The following WDR38 variants were observed in gnomAD, a reference collection of about 807,000 sequenced individuals.
WDR38 encodes WD repeat-containing protein 38.
WDR38 carries 37 observed loss-of-function variants against 36.6 expected under a neutral mutation model. The observed-to-expected ratio is 1.01, with a 90% CI of 0.78 to 1.33. The LOEUF (loss-of-function observed/expected upper bound fraction) is 1.33, where lower values mean the gene tolerates loss of function less well. Among genes scored for constraint, WDR38 ranks in the 40% most tolerant of loss-of-function variants. WDR38 has a pLI of 0.00. For missense variants in WDR38, 411 were observed against 414.6 expected (o/e 0.99, Z 0.07); for synonymous variants, 164 against 168.1 (o/e 0.98, Z 0.19).
At position 124,854,399 on chromosome 9, in the gene WDR38, C is replaced by T. The variant is rs1179093384; in HGVS notation, c.190+74C>T. The T allele has an allele frequency of 5.0e-6, 8 of 1,595,540 alleles. No individual in the cohort carries two copies. In the Admixed American group the frequency reaches 1.3e-4, roughly 27 times the overall value. On this transcript the variant is annotated intron_variant, in intron 2 of 8. Coordinates refer to ENST00000373574, the MANE Select transcript of WDR38 (RefSeq NM_001045476.3). ...ATGCTGCAGAGCTGACTGCAGTGACCTCCGATGAGCTGGGCACGGGTGCAA... is the reference window on the plus strand; with the variant it reads ...ATGCTGCAGAGCTGACTGCAGTGACTTCCGATGAGCTGGGCACGGGTGCAA...
chr9:124,854,848 G>A (rs1829007154), intron 2 of WDR38, among the ~76,000 whole-genome samples: 1 of 152,200 alleles, frequency 6.6e-6, no homozygotes. Context: ...AAAGGCGTGA[G>A]CCACTGCACC....
Position 124,857,840 on chromosome 9 carries a change from C to A in WDR38, c.*210C>A. 2 of 1,574,546 alleles carry A rather than the reference C, an allele frequency of 1.3e-6. No homozygotes were observed. Among genetic ancestry groups the A allele is most frequent in the Non-Finnish European group, 1.7e-6 (2 of 1,155,994 alleles). On this transcript the variant is annotated 3_prime_UTR_variant, in exon 9 of 9. Transcript: ENST00000373574. The stretch of plus-strand genomic sequence containing the variant: ...CACCTGGTCCCCAAAACCAGACCCA[C>A]CCACCTCCACCCAATCAGTGGAAGT...
chr9:124,857,745 G>A lies in WDR38; in HGVS notation c.*115G>A. On this transcript the variant is annotated 3_prime_UTR_variant, in exon 9 of 9. Transcript: ENST00000373574. ...TGCTGGCATCCAGCAGATCCCCATG[G>A]CCAGGACTCTCCAGGCCCCACCAGA... 2 of 1,541,702 alleles carry A rather than the reference G, an allele frequency of 1.3e-6. No homozygotes were observed. The highest frequency in any genetic ancestry group is 2.4e-5 in the South Asian group (2 of 82,880).
intron 4 of WDR38, 45 bp downstream of exon 4, chr9:124,856,003 G>A (rs1188156452): frequency 2.5e-6 from 4 of 1,610,370 alleles, no homozygotes; most frequent in Non-Finnish European, 3.4e-6. Context: ...TCAAGGACCA[G>A]TTCCAGAGAG....
rs1829081589 is a variant in WDR38 at position 124,856,714 on chromosome 9, G to C, written c.619-18G>C. ...CACAGGCCCCAAACCCTGGGGATCA[G>C]AGCTGTCTGCTGTCCAGGCATCCGG... On this transcript the variant is annotated intron_variant, in intron 6 of 8. Coordinates refer to ENST00000373574, the MANE Select transcript of WDR38 (RefSeq NM_001045476.3). 6.2e-7 allele frequency: 1 copy of C among 1,613,844 alleles called. No homozygotes were observed. Among genetic ancestry groups the C allele is most frequent in the South Asian group, 1.1e-5 (1 of 91,074 alleles).
At chr9:124,857,237 G>C (rs553668753) in intron 7 of WDR38, 127 bp from the exon 8 acceptor site, 499 of 1,273,272 alleles carry the variant, frequency 3.9e-4, no homozygotes, top group South Asian at 1.2e-3. Flanking sequence ...GGAGGTAGGT[G>C]AATCACCTGA....
At chr9:124,855,608 TC>T in intron 2 of WDR38, 25 bp from the exon 3 acceptor site, 1 of 1,598,512 alleles carries the variant, frequency 6.3e-7, no homozygotes, top group African/African-American at 1.3e-5. Flanking sequence ...CAGTGCTCTG[TC>T]CCCTGACTGT....
intron 1 of WDR38, 96 bp from the exon 2 acceptor site, chr9:124,854,109 C>T (rs1828981027): frequency 6.4e-7 from 1 of 1,560,436 alleles, no homozygotes; most frequent in Non-Finnish European, 8.7e-7. Flanking sequence ...AAGTCAAGCT[C>T]CAACCCCAGG....
chr9:124,857,761 C>T lies in WDR38; in HGVS notation c.*131C>T. 1 of 1,513,562 alleles carries T rather than the reference C, an allele frequency of 6.6e-7. No individual in the cohort carries two copies. Among genetic ancestry groups the T allele is most frequent in the Non-Finnish European group, 8.9e-7 (1 of 1,120,956 alleles). The allele number at this position is 1,513,562 out of a possible 1,614,324, so 93.8% of individuals were successfully genotyped here. Reference sequence around the variant, plus strand: ...ATCCCCATGGCCAGGACTCTCCAGGCCCCACCAGAGCAGACAACTGTGGTG... The same window carrying T: ...ATCCCCATGGCCAGGACTCTCCAGGTCCCACCAGAGCAGACAACTGTGGTG... On this transcript the variant is annotated 3_prime_UTR_variant, in exon 9 of 9. Transcript: ENST00000373574.
rs766705959 is a variant in WDR38 at position 124,856,846 on chromosome 9, G to A, written c.733G>A (p.Glu245Lys). The change falls in exon 7 of 9, where the codon GAG (glutamate) becomes AAG (lysine). Residue 245 changes from glutamate (E) to lysine (K), a missense_variant. Transcript: ENST00000373574. ...GAAGAGCATAGCCTTCTCTCCCGACGAGCTGTGGCTGGCCAGCGCCGGCTA... is the reference window on the plus strand; with the variant it reads ...GAAGAGCATAGCCTTCTCTCCCGACAAGCTGTGGCTGGCCAGCGCCGGCTA... ...WVKSIAFSPD[E>K]LWLASAGYSR... 16 of 1,614,146 alleles carry A rather than the reference G, an allele frequency of 9.9e-6. No homozygotes were observed. The highest frequency in any genetic ancestry group is 5.3e-5 in the African/African-American group (4 of 75,052).
Position 124,853,510 on chromosome 9 carries a change from G to A in WDR38, c.-22G>A. 1 of 1,240,620 alleles carries A rather than the reference G, an allele frequency of 8.1e-7. No individual in the cohort carries two copies. The highest frequency in any genetic ancestry group is 1.0e-6 in the Non-Finnish European group (1 of 986,190). 76.9% of individuals were successfully genotyped at this position (1,240,620 alleles called of 1,614,324 possible). A position where few individuals can be genotyped will look rare whatever the true frequency, so the allele number is the denominator to read the frequency against. On this transcript the variant is annotated 5_prime_UTR_variant, in exon 1 of 9. Coordinates refer to ENST00000373574, the MANE Select transcript of WDR38 (RefSeq NM_001045476.3). ...GGCCGCCTAGGAGGGAGCCCGCCGG[G>A]GCGGGGCGGGGCCGGGTGCCCATGA...
intron 1 of WDR38, among the ~76,000 whole-genome samples, 171 bp downstream of exon 1, chr9:124,853,771 G>A (rs141310390): frequency 1.6e-3 from 239 of 152,266 alleles, no homozygotes; most frequent in African/African-American, 5.1e-3. Context: ...CTCCAGTGCC[G>A]GGCCCCAGCT....
At position 124,856,257 on chromosome 9, in the gene WDR38, CCT is replaced by C; in HGVS notation, c.426_427del (p.Leu143SerfsTer5). The C allele has an allele frequency of 1.9e-6, 3 of 1,614,208 alleles. No homozygotes were observed. The highest frequency in any genetic ancestry group is 1.6e-4 in the Middle Eastern group (1 of 6,062). On this transcript the variant is annotated frameshift_variant, in exon 5 of 9. Transcript: ENST00000373574. LOFTEE classifies it high-confidence loss of function. ...CTCTCTAGTCCGGCCAGATGCTGCG[CCT>C]CTTAGTTGGGCACCGTGACTCCATC... ...WDVQSGQMLRLLVGHRDSIQS... is the reference protein window; with the variant it reads ...WDVQSGQMLRXLVGHRDSIQS...
chr9:124,855,913 G>T lies in WDR38; in HGVS notation c.360G>T (p.Leu120=), dbSNP rs757454185. The stretch of plus-strand genomic sequence containing the variant: ...GCTTCAGCCCTGACTCGAGACAGCT[G>T]GCATCAGGTGGCTGGGACAAGCGGG... ...TVSFSPDSRQ[L]ASGGWDKRVM... is the part of the protein sequence containing the mutation. Residue 120 remains leucine (L), a synonymous_variant, in exon 4 of 9, where the codon CTG becomes CTT. Coordinates refer to ENST00000373574, the MANE Select transcript of WDR38 (RefSeq NM_001045476.3). The T allele has an allele frequency of 1.2e-5, 19 of 1,614,014 alleles. No homozygotes were observed. The highest frequency in any genetic ancestry group is 1.6e-5 in the Non-Finnish European group (19 of 1,179,964).
chr9:124,854,134 T>C, intron 1 of WDR38, 71 bp from the exon 2 acceptor site: 7 of 1,593,274 alleles, frequency 4.4e-6, no homozygotes, highest in Middle Eastern at 1.7e-4. Flanking sequence ...TGGGGGGCAG[T>C]GTTTAGGGGT....
rs1829076751 is a variant in WDR38 at position 124,856,596 on chromosome 9, T to TG, written c.614_615insG (p.Leu206ProfsTer64). 1 of 1,613,776 alleles carries TG rather than the reference T, an allele frequency of 6.2e-7. No individual in the cohort carries two copies. Among genetic ancestry groups the TG allele is most frequent in the Non-Finnish European group, 8.5e-7 (1 of 1,179,934 alleles). On this transcript the variant is annotated frameshift_variant, in exon 6 of 9. Transcript: ENST00000373574. LOFTEE classifies it high-confidence loss of function. ...TGCCTGTGCTATTCAGCATCCGGCC[T>TG]CCTGGTAAGTGGGGTGTCCTGGGTT...
chr9:124,854,227 C>T lies in WDR38; in HGVS notation c.92C>T (p.Pro31Leu), dbSNP rs760796517. The T allele has an allele frequency of 1.9e-6, 3 of 1,614,166 alleles. No individual in the cohort carries two copies. ...TAGGTCAACTCTTCTGCCTTCTCCC[C>T]TGATGGCCAGATGCTGCTCACAGGC... ...GGEVNSSAFS[P>L]DGQMLLTGSE... Residue 31 changes from proline (P) to leucine (L), a missense_variant, in exon 2 of 9, where the codon CCT becomes CTT. Physicochemically the swap from Pro to Leu is moderately conservative, Grantham distance 98 (BLOSUM62 -3). Transcript: ENST00000373574.
At chr9:124,854,133 G>A in intron 1 of WDR38, 72 bp from the exon 2 acceptor site, 1 of 1,596,756 alleles carries the variant, frequency 6.3e-7, no homozygotes, top group Non-Finnish European at 8.5e-7. Flanking sequence ...TTGGGGGGCA[G>A]TGTTTAGGGG....
Position 124,856,539 on chromosome 9 carries a change from A to G in WDR38, c.557A>G (p.Gln186Arg). 2 of 1,613,306 alleles carry G rather than the reference A, an allele frequency of 1.2e-6. No individual in the cohort carries two copies. The highest frequency in any genetic ancestry group is 1.7e-6 in the Non-Finnish European group (2 of 1,179,552). The change falls in exon 6 of 9, where the codon CAG (glutamine) becomes CGG (arginine). Residue 186 changes from glutamine to arginine, a missense_variant. Transcript: ENST00000373574. ...LRMVTPAVSH[Q>R]ALEGHSANIS... Reference sequence around the variant, plus strand: ...ATGGTGACCCCAGCAGTCTCCCACCAGGCGCTAGAGGGACACAGTGCCAAC... The same window carrying G: ...ATGGTGACCCCAGCAGTCTCCCACCGGGCGCTAGAGGGACACAGTGCCAAC...
Sources: allele counts gnomAD v4.1 joint callset (sites outside exome capture counted in the v4.1 genomes callset), GRCh38; gene constraint gnomAD v4.1.1; transcripts MANE v1.5; gene names NCBI Gene and HGNC (gene_info 2026-07-23, HGNC 2026-07-21).